Variants in ADCY2 observed in about 807,000 individuals in gnomAD.
The protein encoded by ADCY2 is adenylate cyclase 2, also known as adenylate cyclase type 2.
In ADCY2, 31 loss-of-function variants were observed where a neutral mutation model predicts 125.2. The observed-to-expected ratio is 0.25, with a 90% CI of 0.19 to 0.33. The LOEUF is 0.33. ADCY2 is among the 10% of genes least tolerant of loss of function. The probability of loss-of-function intolerance (pLI) is 1.00; values close to 1 mark genes in which losing one functional copy is unlikely to be tolerated. For synonymous variants in ADCY2, 512 were observed against 548.4 expected, an observed-to-expected ratio of 0.93 and a Z score of 0.93; for missense variants, 904 against 1,418.2, an observed-to-expected ratio of 0.64 and a Z score of 5.82.
At chr5:7,718,915 T>G (rs1741678867) in intron 12 of ADCY2, among the ~76,000 whole-genome samples, 1 of 152,180 alleles carries the variant, frequency 6.6e-6, no homozygotes, top group African/African-American at 2.4e-5. Context: ...TAGCATCTGA[T>G]ACTGTGTGAC....
At chr5:7,592,491 C>T (rs1234624056) in intron 3 of ADCY2, among the ~76,000 whole-genome samples, 9 of 151,774 alleles carry the variant, frequency 5.9e-5, no homozygotes, top group Non-Finnish European at 8.8e-5. Flanking sequence ...AGTGGGAAGA[C>T]GTAATGCCCA....
chr5:7,779,575 C>G (rs1400613537), intron 18 of ADCY2, among the ~76,000 whole-genome samples: 1 of 6,476 alleles, frequency 1.5e-4, no homozygotes, highest in Non-Finnish European at 4.0e-4. Context: ...CCCAGTCCAA[C>G]CCCCCCCCCA....
At chr5:7,591,438 C>T (rs2059856) in intron 3 of ADCY2, among the ~76,000 whole-genome samples, 5,253 of 152,202 alleles carry the variant, frequency 0.035, 281 homozygotes, top group African/African-American at 0.12. Flanking sequence ...AAGTTGGCAC[C>T]TCCCATCCAT....
At chr5:7,589,941 G>A (rs1291118300) in intron 3 of ADCY2, among the ~76,000 whole-genome samples, 2 of 152,114 alleles carry the variant, frequency 1.3e-5, no homozygotes, top group African/African-American at 4.8e-5. Flanking sequence ...ATTCCAAAAG[G>A]CCTCTTGGTC....
At position 7,773,166 on chromosome 5, in the gene ADCY2, G is replaced by A. The variant is rs375854477; in HGVS notation, c.2384+65G>A. 14 of 1,498,738 alleles carry A rather than the reference G, an allele frequency of 9.3e-6. No homozygotes were observed. The East Asian group carries it at 1.2e-4, about 12-fold the overall frequency. 92.8% of individuals were successfully genotyped at this position (1,498,738 alleles called of 1,614,324 possible). The stretch of plus-strand genomic sequence containing the variant: ...CCCAGCCTGTGGATAGCATGAGTGT[G>A]TGTTGAGTAAATGCAAGTTAGCGAT... On this transcript the variant is annotated intron_variant, in intron 18 of 24. Transcript: ENST00000338316.
intron 2 of ADCY2, among the ~76,000 whole-genome samples, chr5:7,479,697 AG>A (rs1166856853): frequency 5.9e-5 from 9 of 152,108 alleles, no homozygotes; most frequent in East Asian, 1.9e-4. Context: ...TTATTCTTTA[AG>A]TAATTTTTGT....
Position 7,676,049 on chromosome 5 carries a change from A to T in ADCY2, c.721-14642A>T, listed in dbSNP as rs79066570. 8.9e-3 allele frequency among the ~76,000 whole-genome samples: 1,350 copies of T among 152,310 alleles called. 13 individuals carry two copies. The highest frequency in any genetic ancestry group is 0.02 in the Admixed American group (307 of 15,294). On this transcript the variant is annotated intron_variant, in intron 4 of 24. Transcript: ENST00000338316. ...TAAATACTTCTGTTTTACTTTTCAG[A>T]TGTGTTACTTTAAAACAAGATACTC...
chr5:7,506,162 A>G (rs549661014), intron 2 of ADCY2, among the ~76,000 whole-genome samples: 47 of 152,324 alleles, frequency 3.1e-4, no homozygotes, highest in South Asian at 6.2e-4. Flanking sequence ...TGCCAATGGC[A>G]TAGTCTATTA....
intron 24 of ADCY2, among the ~76,000 whole-genome samples, chr5:7,821,746 G>A (rs983561045): frequency 1.4e-4 from 22 of 152,252 alleles, no homozygotes; most frequent in African/African-American, 4.8e-4. Context: ...ACGACAGGCT[G>A]TGTGAGTAAG....
rs553253952 is a variant in ADCY2 at position 7,540,038 on chromosome 5, A to G, written c.570+19139A>G. Among the ~76,000 whole-genome samples the G allele has an allele frequency of 2.4e-4, 37 of 152,326 alleles. No homozygotes were observed. The South Asian group carries it at 7.1e-3, about 29-fold the overall frequency. ...TGAAAATATACTCCTCGCAACATGGATGGAGCTGGAGGCCATTATCCTTAG... is the reference window on the plus strand; with the variant it reads ...TGAAAATATACTCCTCGCAACATGGGTGGAGCTGGAGGCCATTATCCTTAG... On this transcript the variant is annotated intron_variant, in intron 3 of 24. Transcript: ENST00000338316.
At chr5:7,757,616 A>C in intron 16 of ADCY2, 30 bp downstream of exon 16, 1 of 1,605,080 alleles carries the variant, frequency 6.2e-7, no homozygotes. Flanking sequence ...CGTGTTCAAC[A>C]TGGTAAGCCC....
At chr5:7,693,110 C>A (rs551340298) in intron 5 of ADCY2, among the ~76,000 whole-genome samples, 1 of 152,158 alleles carries the variant, frequency 6.6e-6, no homozygotes, top group African/African-American at 2.4e-5. Flanking sequence ...CCACACAATG[C>A]CCCCCACAAC....
chr5:7,616,558 G>T (rs927422156), intron 3 of ADCY2, among the ~76,000 whole-genome samples: 1 of 152,178 alleles, frequency 6.6e-6, no homozygotes, highest in African/African-American at 2.4e-5. Context: ...TTTGTGGAAT[G>T]ACTAAAGGGT....
At chr5:7,561,545 A>G (rs1735707806) in intron 3 of ADCY2, among the ~76,000 whole-genome samples, 1 of 137,244 alleles carries the variant, frequency 7.3e-6, no homozygotes, top group African/African-American at 3.7e-5. Context: ...TATGCAGTGC[A>G]TGGCCGTATA....
At chr5:7,432,289 C>T (rs1740633614) in intron 2 of ADCY2, among the ~76,000 whole-genome samples, 1 of 151,974 alleles carries the variant, frequency 6.6e-6, no homozygotes, top group South Asian at 2.1e-4. Flanking sequence ...TCCTCCTGGG[C>T]ACTGGACAAG....
chr5:7,689,129 G>A (rs16878975), intron 4 of ADCY2, among the ~76,000 whole-genome samples: 1,602 of 152,206 alleles, frequency 0.011, 34 homozygotes, highest in African/African-American at 0.036. Context: ...TTTCAAAAGC[G>A]CTAATGGTAA....
At chr5:7,428,008 C>T (rs1237544122) in intron 2 of ADCY2, among the ~76,000 whole-genome samples, 1 of 152,144 alleles carries the variant, frequency 6.6e-6, no homozygotes, top group Non-Finnish European at 1.5e-5. Context: ...AGCATTTAAC[C>T]AAAGGCAGGC....
chr5:7,614,242 C>G (rs1200609788), intron 3 of ADCY2, among the ~76,000 whole-genome samples: 1 of 152,100 alleles, frequency 6.6e-6, no homozygotes, highest in Admixed American at 6.5e-5. Flanking sequence ...TATCTCACAT[C>G]CCATTTTTTT....
chr5:7,640,425 CA>C (rs1417546869), intron 4 of ADCY2, among the ~76,000 whole-genome samples: 1 of 152,088 alleles, frequency 6.6e-6, no homozygotes, highest in African/African-American at 2.4e-5. Flanking sequence ...TATTGAAAAA[CA>C]GAGGAAAATT....
Sources: gnomAD v4.1 joint callset for allele counts (sites outside exome capture counted in the v4.1 genomes callset) on GRCh38, gnomAD v4.1.1 for gene constraint, MANE v1.5 for transcripts, NCBI Gene and HGNC (gene_info 2026-07-23, HGNC 2026-07-21) for gene names.